Variants in TENM3 observed in about 807,000 individuals in gnomAD.
The protein encoded by TENM3 is teneurin-3.
TENM3 carries 63 observed loss-of-function variants against 255.1 expected under a neutral mutation model. The observed-to-expected ratio is 0.25, with a 90% CI of 0.20 to 0.30. The LOEUF is 0.30. Among genes scored for constraint, TENM3 ranks in the 10% least tolerant of loss-of-function variants. The pLI, the probability that TENM3 is intolerant of heterozygous loss-of-function variation, is 1.00. For synonymous variants in TENM3, 1,306 were observed against 1,322.3 expected (o/e 0.99, Z 0.27); for missense variants, 2,929 against 3,461.1 (o/e 0.85, Z 3.86).
chr4:181,884,876 T>A, the TENM3 span, among the ~76,000 whole-genome samples: 1 of 152,156 alleles, frequency 6.6e-6, no homozygotes, highest in East Asian at 1.9e-4. Flanking sequence ...ATGATTTGAT[T>A]TGAGACTTTC....
chr4:181,508,701 C>T, the TENM3 span, among the ~76,000 whole-genome samples: 5 of 152,162 alleles, frequency 3.3e-5, no homozygotes, highest in African/African-American at 7.2e-5. Flanking sequence ...ATACCAAATA[C>T]GGCTGGATCC....
At chr4:182,706,538 G>A (rs1420111211) in intron 12 of TENM3, among the ~76,000 whole-genome samples, 3 of 152,200 alleles carry the variant, frequency 2.0e-5, no homozygotes, top group Non-Finnish European at 4.4e-5. Flanking sequence ...TTTCTCAAAA[G>A]ATGGCCTCTG....
intron 1 of TENM3, among the ~76,000 whole-genome samples, chr4:182,198,440 C>T (rs552973279): frequency 1.3e-5 from 2 of 152,346 alleles, no homozygotes; most frequent in African/African-American, 4.8e-5. Flanking sequence ...GTGCCTCAGT[C>T]GGTTGTCAGA....
the TENM3 span, among the ~76,000 whole-genome samples, chr4:181,633,222 G>A: frequency 1.3e-5 from 2 of 152,186 alleles, no homozygotes; most frequent in African/African-American, 4.8e-5. Context: ...AGGAAATGCT[G>A]TTGATTTGTT....
the TENM3 span, among the ~76,000 whole-genome samples, chr4:181,925,397 A>C: frequency 6.6e-6 from 1 of 152,244 alleles, no homozygotes; most frequent in Admixed American, 6.5e-5. Context: ...GCTTTAATTT[A>C]TCACAGTGTT....
intron 3 of TENM3, among the ~76,000 whole-genome samples, chr4:182,502,841 A>AGCTCTG (rs1447649596): frequency 1.5e-4 from 22 of 144,368 alleles, no homozygotes; most frequent in Middle Eastern, 7.4e-3. Context: ...GTTAATTTGT[A>AGCTCTG]GCTCTGTGGG....
the TENM3 span, among the ~76,000 whole-genome samples, chr4:181,671,675 T>C: frequency 6.6e-6 from 1 of 152,164 alleles, no homozygotes; most frequent in Non-Finnish European, 1.5e-5. Flanking sequence ...AATTATTGCA[T>C]AGCAGGTTAG....
the TENM3 span, among the ~76,000 whole-genome samples, chr4:181,535,403 G>T: frequency 6.6e-6 from 1 of 152,284 alleles, no homozygotes; most frequent in South Asian, 2.1e-4. Flanking sequence ...TAGGCCTAAA[G>T]GCCAATCAGC....
intron 6 of TENM3, among the ~76,000 whole-genome samples, chr4:182,664,542 C>A (rs1754490353): frequency 6.6e-6 from 1 of 152,110 alleles, no homozygotes; most frequent in South Asian, 2.1e-4. Flanking sequence ...CAGTTTAAGT[C>A]AAAAGCTAGA....
At chr4:181,841,187 T>G in the TENM3 span, among the ~76,000 whole-genome samples, 1 of 152,138 alleles carries the variant, frequency 6.6e-6, no homozygotes, top group African/African-American at 2.4e-5. Context: ...AAAATTACCT[T>G]CTATGATTTG....
intron 3 of TENM3, among the ~76,000 whole-genome samples, chr4:182,560,654 G>A (rs1292966034): frequency 1.3e-5 from 2 of 152,142 alleles, no homozygotes; most frequent in Admixed American, 6.6e-5. Context: ...GAATAAAACC[G>A]ACAAGTATCA....
At chr4:182,327,979 A>T (rs1033677684) in intron 2 of TENM3, among the ~76,000 whole-genome samples, 3 of 152,176 alleles carry the variant, frequency 2.0e-5, no homozygotes, top group Non-Finnish European at 2.9e-5. Context: ...CAATTCCAAC[A>T]AGGAACGCTG....
the TENM3 span, among the ~76,000 whole-genome samples, chr4:181,536,473 A>G: frequency 6.6e-6 from 1 of 152,210 alleles, no homozygotes; most frequent in Admixed American, 6.5e-5. Context: ...TCAAATATAC[A>G]CACATATATG....
chr4:181,762,075 T>C, the TENM3 span, among the ~76,000 whole-genome samples: 3 of 152,178 alleles, frequency 2.0e-5, no homozygotes, highest in African/African-American at 7.2e-5. Flanking sequence ...CACCAACCAC[T>C]CCGTCAATAT....
At chr4:182,262,476 A>G (rs1758869371) in intron 1 of TENM3, among the ~76,000 whole-genome samples, 2 of 151,964 alleles carry the variant, frequency 1.3e-5, no homozygotes, top group South Asian at 4.2e-4. Context: ...AACCCACCAA[A>G]ACCAAGATGG....
the TENM3 span, among the ~76,000 whole-genome samples, chr4:181,467,436 A>G: frequency 2.6e-5 from 4 of 151,722 alleles, no homozygotes; most frequent in Non-Finnish European, 5.9e-5. Context: ...CACCCGGCCT[A>G]CTAGTATATG....
At chr4:181,833,312 C>G in the TENM3 span, among the ~76,000 whole-genome samples, 1 of 152,108 alleles carries the variant, frequency 6.6e-6, no homozygotes, top group Non-Finnish European at 1.5e-5. Flanking sequence ...CTCATCCTCT[C>G]ATCCTCTTCA....
chr4:182,314,518 C>T (rs904968023), intron 1 of TENM3, among the ~76,000 whole-genome samples: 1 of 152,216 alleles, frequency 6.6e-6, no homozygotes, highest in Non-Finnish European at 1.5e-5. Flanking sequence ...ATTCCTCTAT[C>T]TGGTCTTGTC....
intron 4 of TENM3, among the ~76,000 whole-genome samples, chr4:182,618,773 A>C (rs1749790275): frequency 6.6e-6 from 1 of 152,184 alleles, no homozygotes; most frequent in African/African-American, 2.4e-5. Flanking sequence ...GGTAAAAAAA[A>C]ATTTGAAATG....
Sources: allele counts gnomAD v4.1 joint callset (sites outside exome capture counted in the v4.1 genomes callset), GRCh38; gene constraint gnomAD v4.1.1; transcripts MANE v1.5; gene names NCBI Gene and HGNC (gene_info 2026-07-23, HGNC 2026-07-21).